FSTL5: variants seen among roughly 807,000 people sequenced by gnomAD.
The protein encoded by FSTL5 is follistatin like 5.
A neutral mutation model predicts 89.1 loss-of-function variants in FSTL5; 62 were observed. That is an observed-to-expected ratio of 0.70 (90% CI 0.57 to 0.86). The LOEUF (loss-of-function observed/expected upper bound fraction) is 0.86. Ranked by LOEUF, FSTL5 falls within the 40% of genes least tolerant of loss-of-function variation. The pLI, the probability that FSTL5 is intolerant of heterozygous loss-of-function variation, is 0.00. For missense variants in FSTL5, 1,057 were observed against 1,001.6 expected (o/e 1.06, Z -0.75); for synonymous variants, 383 against 346.2 (o/e 1.11, Z -1.18).
At chr4:161,812,324 T>C (rs1730175053) in intron 4 of FSTL5, among the ~76,000 whole-genome samples, 1 of 152,188 alleles carries the variant, frequency 6.6e-6, no homozygotes, top group African/African-American at 2.4e-5. Flanking sequence ...GCCTTTCTCA[T>C]TTTATGCGTA....
chr4:161,612,716 C>T (rs778492294), intron 7 of FSTL5, among the ~76,000 whole-genome samples: 1 of 152,116 alleles, frequency 6.6e-6, no homozygotes, highest in Non-Finnish European at 1.5e-5. Flanking sequence ...CTTTTGTGGA[C>T]TGAGAAGCTG....
intron 15 of FSTL5, among the ~76,000 whole-genome samples, chr4:161,402,676 C>T (rs1731221947): frequency 6.6e-6 from 1 of 152,160 alleles, no homozygotes; most frequent in South Asian, 2.1e-4. Context: ...ATAGCAATTG[C>T]AACACCTTTT....
intron 7 of FSTL5, among the ~76,000 whole-genome samples, chr4:161,615,216 C>CCG (rs1734807593): frequency 1.3e-5 from 2 of 149,096 alleles, no homozygotes. Flanking sequence ...ATGGCGTGAA[C>CCG]CCGGGAGGCG....
intron 2 of FSTL5, among the ~76,000 whole-genome samples, chr4:162,040,376 A>T (rs983246368): frequency 3.3e-5 from 5 of 152,102 alleles, no homozygotes; most frequent in Admixed American, 2.6e-4. Flanking sequence ...CAACAAATTT[A>T]TTCTGTGTTA....
chr4:162,092,804 C>A (rs927511652), intron 2 of FSTL5, among the ~76,000 whole-genome samples: 1 of 151,692 alleles, frequency 6.6e-6, no homozygotes, highest in East Asian at 1.9e-4. Context: ...CAAAAATTAG[C>A]CAGCCGTGGT....
chr4:161,455,205 G>T, intron 14 of FSTL5, 77 bp from the exon 15 acceptor site: 1 of 1,209,226 alleles, frequency 8.3e-7, no homozygotes, highest in Non-Finnish European at 1.1e-6. Context: ...ATTTAGAGAT[G>T]AAATAAATGT....
chr4:161,783,864 C>T (rs965245359), intron 4 of FSTL5, among the ~76,000 whole-genome samples: 2 of 149,550 alleles, frequency 1.3e-5, no homozygotes, highest in African/African-American at 5.0e-5. Flanking sequence ...CCCTTGGGTT[C>T]AAGAGACTCT....
intron 12 of FSTL5, among the ~76,000 whole-genome samples, chr4:161,491,202 A>C (rs1023939151): frequency 6.6e-6 from 1 of 152,070 alleles, no homozygotes; most frequent in Non-Finnish European, 1.5e-5. Flanking sequence ...AGAATTCACA[A>C]AACCTGAGCC....
chr4:162,091,365 T>G (rs1730542697), intron 2 of FSTL5, among the ~76,000 whole-genome samples: 1 of 152,180 alleles, frequency 6.6e-6, no homozygotes, highest in Non-Finnish European at 1.5e-5. Context: ...AAACCTCGGA[T>G]AGGCATCTCA....
At chr4:162,040,700 A>G (rs1737917419) in intron 2 of FSTL5, among the ~76,000 whole-genome samples, 1 of 152,018 alleles carries the variant, frequency 6.6e-6, no homozygotes, top group Non-Finnish European at 1.5e-5. Flanking sequence ...AAATCTTATC[A>G]CCTTTTATTT....
intron 4 of FSTL5, among the ~76,000 whole-genome samples, chr4:161,847,482 G>A (rs550646329): frequency 6.9e-4 from 105 of 152,298 alleles, no homozygotes; most frequent in African/African-American, 1.9e-3. Flanking sequence ...TTTGATGCCA[G>A]TTAACAAGGC....
intron 1 of FSTL5, among the ~76,000 whole-genome samples, chr4:162,161,058 A>G: frequency 6.6e-6 from 1 of 151,948 alleles, no homozygotes; most frequent in Admixed American, 6.6e-5. Context: ...TGTAATATAT[A>G]ATTAAATTAT....
At chr4:161,615,357 T>C (rs1045303441) in intron 7 of FSTL5, among the ~76,000 whole-genome samples, 1 of 141,142 alleles carries the variant, frequency 7.1e-6, no homozygotes, top group Non-Finnish European at 1.5e-5. Flanking sequence ...TCCCAGCTAC[T>C]TGGGAGGCTG....
chr4:161,695,453 GTA>G (rs1274609480), intron 6 of FSTL5, among the ~76,000 whole-genome samples: 2,800 of 134,968 alleles, frequency 0.021, 103 homozygotes, highest in East Asian at 0.15. Context: ...GTGTGTGTGT[GTA>G]TATATATCAC....
intron 15 of FSTL5, among the ~76,000 whole-genome samples, chr4:161,396,834 C>T (rs4691753): frequency 0.11 from 16,580 of 151,464 alleles, 1,064 homozygotes; most frequent in South Asian, 0.21. Flanking sequence ...GTTGACTACA[C>T]GGTTTGGAGA....
chr4:161,894,650 T>C (rs1380803657), intron 4 of FSTL5, among the ~76,000 whole-genome samples: 1 of 152,100 alleles, frequency 6.6e-6, no homozygotes, highest in Non-Finnish European at 1.5e-5. Context: ...GGGAAATTTT[T>C]GTATTTTTAG....
intron 4 of FSTL5, among the ~76,000 whole-genome samples, chr4:161,864,568 A>G (rs1732016870): frequency 6.6e-6 from 1 of 152,206 alleles, no homozygotes; most frequent in Non-Finnish European, 1.5e-5. Context: ...TTAGACTGAA[A>G]TTATTTTAAA....
intron 3 of FSTL5, among the ~76,000 whole-genome samples, chr4:162,003,850 T>C (rs911234443): frequency 3.3e-5 from 5 of 152,202 alleles, no homozygotes; most frequent in Non-Finnish European, 2.9e-5. Context: ...CTTCATTTTT[T>C]ACTTCCTCAC....
At chr4:161,638,254 G>C (rs1333560146) in intron 7 of FSTL5, among the ~76,000 whole-genome samples, 3 of 151,426 alleles carry the variant, frequency 2.0e-5, no homozygotes, top group Non-Finnish European at 4.4e-5. Context: ...CTCATGATTT[G>C]GCTCTCTGTT....
Sources: gnomAD v4.1 joint callset for allele counts (sites outside exome capture counted in the v4.1 genomes callset) on GRCh38, gnomAD v4.1.1 for gene constraint, MANE v1.5 for transcripts, NCBI Gene and HGNC (gene_info 2026-07-23, HGNC 2026-07-21) for gene names.